The following PLCL1 variants were observed in gnomAD, a reference collection of about 807,000 sequenced individuals.
The protein encoded by PLCL1 is inactive phospholipase C-like protein 1.
In PLCL1, 41 loss-of-function variants were observed where a neutral mutation model predicts 84.4. The observed-to-expected ratio is 0.49, with a 90% CI of 0.38 to 0.63. The LOEUF is 0.63. Among genes scored for constraint, PLCL1 ranks in the 30% least tolerant of loss-of-function variants. PLCL1 has a pLI of 0.00. For synonymous variants in PLCL1, 490 were observed against 488.3 expected (o/e 1.00, Z -0.05); for missense variants, 1,206 against 1,367.8 (o/e 0.88, Z 1.87).
Position 197,974,777 on chromosome 2 carries a change from C to T in PLCL1, c.241-108981C>T, listed in dbSNP as rs567171988. On this transcript the variant is annotated intron_variant, in intron 1 of 5. Transcript: ENST00000428675. Reference sequence around the variant, plus strand: ...GTTGGGGGAAATTCTGACCCCTTCTCCCAATCTCAGCTGCGCTGTCAGAAG... The same window carrying T: ...GTTGGGGGAAATTCTGACCCCTTCTTCCAATCTCAGCTGCGCTGTCAGAAG... Among the ~76,000 whole-genome samples the T allele has an allele frequency of 2.5e-3, 386 of 152,342 alleles. 2 individuals carry two copies. The highest frequency in any genetic ancestry group is 8.8e-3 in the African/African-American group (366 of 41,582).
chr2:197,827,962 G>T (rs1165381059), intron 1 of PLCL1, among the ~76,000 whole-genome samples: 1 of 152,000 alleles, frequency 6.6e-6, no homozygotes, highest in Admixed American at 6.6e-5. Context: ...TAGCAAATAT[G>T]TTTTTTATAA....
intron 5 of PLCL1, among the ~76,000 whole-genome samples, chr2:198,114,671 G>A (rs1444655093): frequency 1.3e-5 from 2 of 151,760 alleles, no homozygotes; most frequent in Non-Finnish European, 2.9e-5. Context: ...TACAGCCCTT[G>A]TAGGTTTTAT....
At chr2:198,065,044 A>C (rs1184082036) in intron 1 of PLCL1, among the ~76,000 whole-genome samples, 1 of 152,198 alleles carries the variant, frequency 6.6e-6, no homozygotes, top group African/African-American at 2.4e-5. Context: ...ACAAACCTAC[A>C]TTCTGTAGAC....
In PLCL1 at chr2:198,087,145, A is replaced by G. The variant is rs1303697153; in HGVS notation, c.2715+913A>G. ...TTGAAAGAACATGGGTTCTTGATCA[A>G]ATCTATCCCTGTGCGATCTTGAACA... On this transcript the variant is annotated intron_variant, in intron 2 of 5. Transcript: ENST00000428675. Among the ~76,000 whole-genome samples the G allele has an allele frequency of 2.6e-5, 4 of 152,148 alleles. No individual in the cohort carries two copies. In the East Asian group the frequency reaches 7.7e-4, roughly 29 times the overall value.
rs60411488 is a variant in PLCL1, at chr2:197,961,238, G to GGAGAGAGAGAGAGAGAGAGA, written c.241-122510_241-122491dup. On this transcript the variant is annotated intron_variant, in intron 1 of 5. Coordinates refer to ENST00000428675, the MANE Select transcript of PLCL1 (RefSeq NM_006226.4). ...TTATTTGAAGGTCATTTGGGAAGGT[G>GGAGAGAGAGAGAGAGAGAGA]GAGAGAGAGAGAGAGAGAGAGAGAG... 4.6e-3 allele frequency among the ~76,000 whole-genome samples: 665 copies of GGAGAGAGAGAGAGAGAGAGA among 146,044 alleles called. 3 individuals carry two copies. The highest frequency in any genetic ancestry group is 9.8e-3 in the African/African-American group (388 of 39,792).
intron 1 of PLCL1, among the ~76,000 whole-genome samples, chr2:197,808,601 T>G (rs1372232152): frequency 6.6e-6 from 1 of 152,226 alleles, no homozygotes; most frequent in East Asian, 1.9e-4. Flanking sequence ...GCCAAGAGTT[T>G]TTTTAAATTT....
At chr2:197,854,515 G>A (rs1219773527) in intron 1 of PLCL1, among the ~76,000 whole-genome samples, 1 of 152,050 alleles carries the variant, frequency 6.6e-6, no homozygotes, top group Admixed American at 6.6e-5. Context: ...TTTTTATTAA[G>A]CATTATAATG....
At chr2:197,919,919 G>A (rs1688672535) in intron 1 of PLCL1, among the ~76,000 whole-genome samples, 1 of 152,110 alleles carries the variant, frequency 6.6e-6, no homozygotes, top group African/African-American at 2.4e-5. Flanking sequence ...TTGAATCCTG[G>A]CTACACACCA....
chr2:198,078,747 A>G (rs1692640798), intron 1 of PLCL1, among the ~76,000 whole-genome samples: 1 of 152,130 alleles, frequency 6.6e-6, no homozygotes, highest in South Asian at 2.1e-4. Context: ...CAAAAAGTAT[A>G]TGTGATGATA....
Position 198,001,981 on chromosome 2 carries a change from T to C in PLCL1, c.241-81777T>C, listed in dbSNP as rs573966370. On this transcript the variant is annotated intron_variant, in intron 1 of 5. Transcript: ENST00000428675. ...GACTGTGTAGTTGCAGGAAAACAGC[T>C]CAGAGTTTCCACTGATTCTTCATTA... is the stretch of plus-strand genomic sequence containing the variant. The C allele has an allele frequency of 6.8e-6, 3 of 441,584 alleles. No individual in the cohort carries two copies. The East Asian group carries it at 2.1e-4, about 31-fold the overall frequency. 27.4% of individuals were successfully genotyped at this position (441,584 alleles called of 1,614,324 possible).
At chr2:198,025,673 A>AAAATGTTT (rs1691246517) in intron 1 of PLCL1, among the ~76,000 whole-genome samples, 1 of 152,116 alleles carries the variant, frequency 6.6e-6, no homozygotes, top group African/African-American at 2.4e-5. Context: ...ATAAACTAAA[A>AAAATGTTT]AAATGTTTAG....
intron 2 of PLCL1, among the ~76,000 whole-genome samples, chr2:198,088,199 T>C (rs763555769): frequency 7.2e-5 from 11 of 152,188 alleles, no homozygotes; most frequent in Non-Finnish European, 1.6e-4. Flanking sequence ...GTTCATATTA[T>C]CTTAACATAA....
At chr2:198,027,920 A>G (rs949827887) in intron 1 of PLCL1, among the ~76,000 whole-genome samples, 4 of 152,068 alleles carry the variant, frequency 2.6e-5, no homozygotes, top group African/African-American at 7.2e-5. Context: ...TGCAGCTTCA[A>G]ACTCCTGAGC....
chr2:197,898,062 G>T (rs1385594986), intron 1 of PLCL1, among the ~76,000 whole-genome samples: 2 of 152,134 alleles, frequency 1.3e-5, no homozygotes, highest in Non-Finnish European at 2.9e-5. Flanking sequence ...TAGCTAAAAG[G>T]CGTCTGTCCA....
chr2:197,838,941 T>C (rs917989576), intron 1 of PLCL1, among the ~76,000 whole-genome samples: 1 of 152,230 alleles, frequency 6.6e-6, no homozygotes, highest in Non-Finnish European at 1.5e-5. Flanking sequence ...ATGAGTAAAA[T>C]TGTGAAATTT....
chr2:197,839,928 C>T (rs1686956762), intron 1 of PLCL1, among the ~76,000 whole-genome samples: 1 of 152,160 alleles, frequency 6.6e-6, no homozygotes, highest in Non-Finnish European at 1.5e-5. Context: ...TAGAAATACC[C>T]ATTAGAGATG....
At chr2:198,117,299 A>G (rs1693767667) in intron 5 of PLCL1, among the ~76,000 whole-genome samples, 1 of 151,606 alleles carries the variant, frequency 6.6e-6, no homozygotes, top group Admixed American at 6.6e-5. Context: ...CTTGGGTCAG[A>G]AATATGGGTC....
At chr2:198,039,707 G>A (rs191889213) in intron 1 of PLCL1, among the ~76,000 whole-genome samples, 1 of 152,274 alleles carries the variant, frequency 6.6e-6, no homozygotes, top group East Asian at 1.9e-4. Context: ...ATTTGTCAGA[G>A]CTTTTATTAC....
Position 198,103,815 on chromosome 2 carries a change from C to G in PLCL1, c.2996-12C>G. ...TATATACTCAGATTTCTTATGCATT[C>G]TTTCTTCAAAGGGATGGAGTTCCAT... is the stretch of plus-strand genomic sequence containing the variant. On this transcript the variant is annotated splice_polypyrimidine_tract_variant and intron_variant, in intron 4 of 5. Transcript: ENST00000428675. 6.8e-7 allele frequency: 1 copy of G among 1,467,468 alleles called. No individual in the cohort carries two copies. Among genetic ancestry groups the G allele is most frequent in the Non-Finnish European group, 9.4e-7 (1 of 1,062,376 alleles). The allele number at this position is 1,467,468 out of a possible 1,614,324, so 90.9% of individuals were successfully genotyped here.
Sources: gnomAD v4.1 joint callset for allele counts (sites outside exome capture counted in the v4.1 genomes callset) on GRCh38, gnomAD v4.1.1 for gene constraint, MANE v1.5 for transcripts, NCBI Gene and HGNC (gene_info 2026-07-23, HGNC 2026-07-21) for gene names.